COL11A1: variants seen among roughly 807,000 people sequenced by gnomAD.
COL11A1 encodes collagen alpha-1(XI) chain.
In COL11A1, 74 loss-of-function variants were observed where a neutral mutation model predicts 265.2. That is an observed-to-expected ratio of 0.28 (90% CI 0.23 to 0.34). The LOEUF is 0.34. Among genes scored for constraint, COL11A1 ranks in the 10% least tolerant of loss-of-function variants. COL11A1 has a pLI of 1.00. For missense variants in COL11A1, 2,165 were observed against 2,263.6 expected (o/e 0.96, Z 0.88); for synonymous variants, 816 against 727.6 (o/e 1.12, Z -1.96).
intron 1 of COL11A1, among the ~76,000 whole-genome samples, chr1:103,083,230 G>A (rs1270219087): frequency 9.4e-6 from 1 of 106,284 alleles, no homozygotes; most frequent in Non-Finnish European, 1.9e-5. Flanking sequence ...GTGTCTGTGT[G>A]TGTGTGTGTG....
chr1:102,883,367 G>T, intron 63 of COL11A1, 56 bp from the exon 64 acceptor site: 1 of 1,045,092 alleles, frequency 9.6e-7, no homozygotes, highest in Non-Finnish European at 1.5e-6. Flanking sequence ...ATTGTTGAAT[G>T]CATTAGATGT....
At chr1:103,001,019 T>C (rs547113122) in intron 24 of COL11A1, 2 of 393,388 alleles carry the variant, frequency 5.1e-6, no homozygotes, top group African/African-American at 4.1e-5. Context: ...ATTCATATGA[T>C]TAAATCATAA....
intron 54 of COL11A1, among the ~76,000 whole-genome samples, chr1:102,903,082 G>A (rs1160457752): frequency 1.3e-5 from 2 of 151,892 alleles, no homozygotes; most frequent in African/African-American, 4.8e-5. Flanking sequence ...GTCAGCTCTA[G>A]ATTTTTTTTT....
chr1:102,978,631 A>G, intron 35 of COL11A1, 77 bp downstream of exon 35: 1 of 1,476,282 alleles, frequency 6.8e-7, no homozygotes, highest in East Asian at 2.3e-5. Context: ...TAGCAGACAT[A>G]TATCTTTTCT....
intron 28 of COL11A1, among the ~76,000 whole-genome samples, chr1:102,994,955 GA>G (rs1664482754): frequency 6.6e-6 from 1 of 152,064 alleles, no homozygotes. Context: ...AAGAAAGAGA[GA>G]AAGGGGAAGT....
chr1:102,892,714 T>C (rs1022472405), intron 57 of COL11A1, among the ~76,000 whole-genome samples: 4 of 152,194 alleles, frequency 2.6e-5, no homozygotes, highest in African/African-American at 9.6e-5. Context: ...TGTGTAACAA[T>C]GGTATTTTAG....
intron 11 of COL11A1, among the ~76,000 whole-genome samples, chr1:103,016,097 A>G (rs1002478232): frequency 1.3e-5 from 2 of 152,070 alleles, no homozygotes; most frequent in Admixed American, 1.3e-4. Flanking sequence ...ATAAAAACAG[A>G]TTTAAGTAAA....
At position 102,976,289 on chromosome 1, in the gene COL11A1, C is replaced by CTTTTTTTTTTTTTT. The variant is rs149842131; in HGVS notation, c.2755-1420_2755-1407dup. On this transcript the variant is annotated intron_variant, in intron 35 of 66. Transcript: ENST00000370096. ...TATAAAATTTCACAGAAAACGTTGG[C>CTTTTTTTTTTTTTT]TTTTTTTTTTTTTTTTTTTTTTTTT... 2.4e-4 allele frequency among the ~76,000 whole-genome samples: 14 copies of CTTTTTTTTTTTTTT among 58,576 alleles called. 4 individuals are homozygous for CTTTTTTTTTTTTTT. The highest frequency in any genetic ancestry group is 3.5e-4 in the Non-Finnish European group (11 of 31,088). The allele number at this position is 58,576 out of a possible 152,430, so 38.4% of individuals were successfully genotyped here.
At chr1:102,986,261 T>C (rs935238333) in intron 30 of COL11A1, among the ~76,000 whole-genome samples, 3 of 151,678 alleles carry the variant, frequency 2.0e-5, no homozygotes, top group African/African-American at 7.3e-5. Flanking sequence ...ATGTCCTTTG[T>C]AGGGACATGG....
At chr1:103,070,325 C>T (rs1671482158) in intron 4 of COL11A1, among the ~76,000 whole-genome samples, 2 of 151,032 alleles carry the variant, frequency 1.3e-5, no homozygotes, top group South Asian at 2.1e-4. Flanking sequence ...AGACAACATA[C>T]TACATCACCA....
Position 103,017,235 on chromosome 1 carries a change from TAAATTA to T in COL11A1, c.1413+579_1413+584del, listed in dbSNP as rs553221144. On this transcript the variant is annotated intron_variant, in intron 11 of 66. Coordinates refer to ENST00000370096, the MANE Select transcript of COL11A1 (RefSeq NM_001854.4). Reference sequence around the variant, plus strand: ...GTTAAAAATCTTCCTTCATTAAATTTAAATTAAAAAGTTTTTACATTATTTAAATTG... The same window carrying T: ...GTTAAAAATCTTCCTTCATTAAATTTAAAAGTTTTTACATTATTTAAATTG... 2.4e-3 allele frequency among the ~76,000 whole-genome samples: 359 copies of T among 152,244 alleles called. 2 individuals are homozygous for T. Among genetic ancestry groups the T allele is most frequent in the African/African-American group, 8.2e-3 (340 of 41,584 alleles).
intron 3 of COL11A1, among the ~76,000 whole-genome samples, chr1:103,075,914 T>C (rs967471096): frequency 1.6e-4 from 24 of 152,128 alleles, no homozygotes; most frequent in Admixed American, 5.2e-4. Flanking sequence ...CAAAGATTTA[T>C]ATAAGGAGCT....
intron 1 of COL11A1, among the ~76,000 whole-genome samples, chr1:103,094,435 T>C (rs1234796430): frequency 2.0e-5 from 3 of 152,102 alleles, no homozygotes; most frequent in Non-Finnish European, 4.4e-5. Flanking sequence ...GAAGGATTGG[T>C]ACCATATGAA....
Position 102,877,656 on chromosome 1 carries a change from A to G in COL11A1, c.*363T>C. On this transcript the variant is annotated 3_prime_UTR_variant, in exon 67 of 67. Coordinates refer to ENST00000370096, the MANE Select transcript of COL11A1 (RefSeq NM_001854.4). ...ACAAAATAATTACAATTTATTAAAC[A>G]CACTGTTTTAGTACATCCTGGATGG... The G allele has an allele frequency of 1.5e-5, 3 of 206,790 alleles. No homozygotes were observed. Among genetic ancestry groups the G allele is most frequent in the Non-Finnish European group, 3.0e-5 (3 of 100,554 alleles). The allele number at this position is 206,790 out of a possible 1,614,324, so 12.8% of individuals were successfully genotyped here. A position where few individuals can be genotyped will look rare whatever the true frequency, so the allele number is the denominator to read the frequency against.
intron 64 of COL11A1, among the ~76,000 whole-genome samples, chr1:102,882,442 G>A (rs1334859663): frequency 1.3e-5 from 2 of 152,096 alleles, no homozygotes; most frequent in Non-Finnish European, 2.9e-5. Context: ...GTTGGAAGAT[G>A]GAAGTTGTTT....
chr1:103,055,811 G>A (rs2102165861), intron 4 of COL11A1, among the ~76,000 whole-genome samples: 1 of 152,196 alleles, frequency 6.6e-6, no homozygotes, highest in East Asian at 1.9e-4. Context: ...CCAAACGATT[G>A]GACACCTCTG....
At chr1:102,988,081 A>G (rs995804968) in intron 29 of COL11A1, among the ~76,000 whole-genome samples, 2 of 152,148 alleles carry the variant, frequency 1.3e-5, no homozygotes, top group African/African-American at 4.8e-5. Context: ...AATGTTTATA[A>G]CTTCCCCAAT....
Position 103,025,512 on chromosome 1 carries a change from A to G in COL11A1, c.990+9T>C, listed in dbSNP as rs1484207051. ...GGGACTGTGATTTAATACTGTCTAT[A>G]CGTATTACCTCATTTGTCCCAGAAA... On this transcript the variant is annotated intron_variant, in intron 7 of 66. Transcript: ENST00000370096. 2.5e-6 allele frequency: 4 copies of G among 1,570,566 alleles called. No homozygotes were observed. The highest frequency in any genetic ancestry group is 3.5e-6 in the Non-Finnish European group (4 of 1,140,976).
intron 36 of COL11A1, among the ~76,000 whole-genome samples, chr1:102,971,036 C>A (rs371495750): frequency 0.054 from 7,749 of 142,916 alleles, 228 homozygotes; most frequent in Non-Finnish European, 0.073. Flanking sequence ...CAAAAAAAAA[C>A]CAAGAATGCA....
Sources: allele counts gnomAD v4.1 joint callset (sites outside exome capture counted in the v4.1 genomes callset), GRCh38; gene constraint gnomAD v4.1.1; transcripts MANE v1.5; gene names NCBI Gene and HGNC (gene_info 2026-07-23, HGNC 2026-07-21).